NCAPD2: variants seen among roughly 807,000 people sequenced by gnomAD.
The protein encoded by NCAPD2 is condensin complex subunit 1.
In NCAPD2, 100 loss-of-function variants were observed where a neutral mutation model predicts 164.5. The observed-to-expected ratio is 0.61, with a 90% CI of 0.52 to 0.72. The LOEUF (loss-of-function observed/expected upper bound fraction) is 0.72, where lower values mean the gene tolerates loss of function less well. Ranked by LOEUF, NCAPD2 falls within the 30% of genes least tolerant of loss-of-function variation. The pLI is 0.00. For missense variants in NCAPD2, 1,560 were observed against 1,749.2 expected, an observed-to-expected ratio of 0.89 and a Z score of 1.93; for synonymous variants, 585 against 642.6, an observed-to-expected ratio of 0.91 and a Z score of 1.36.
intron 27 of NCAPD2, chr12:6,529,273 C>T (rs144622101): frequency 1.3e-5 from 8 of 613,254 alleles, no homozygotes; most frequent in South Asian, 7.9e-5. Context: ...CATACAGTAG[C>T]ACTCACTCCC....
chr12:6,514,913 A>T lies in NCAPD2; in HGVS notation c.980A>T (p.Asp327Val). 2 of 1,614,178 alleles carry T rather than the reference A, an allele frequency of 1.2e-6. No homozygotes were observed. Among genetic ancestry groups the T allele is most frequent in the Non-Finnish European group, 1.7e-6 (2 of 1,180,016 alleles). ...ATGTGCATTTTGCTAGATCACCTGG[A>T]TGGAGAAGTAGGTGGTCCACTAGGG... ...SSMCILLDHL[D>V]GENYMMRNAV... The change falls in exon 9 of 32, where the codon GAT becomes GTT. Residue 327 changes from aspartate to valine, a missense_variant. Physicochemically the swap from Asp to Val is radical, Grantham distance 152. Coordinates refer to ENST00000315579, the MANE Select transcript of NCAPD2 (RefSeq NM_014865.4).
chr12:6,508,089 G>A lies in NCAPD2; in HGVS notation c.128-1628G>A, dbSNP rs536892191. Among the ~76,000 whole-genome samples the A allele has an allele frequency of 7.2e-5, 11 of 152,274 alleles. No homozygotes were observed. In the East Asian group the frequency reaches 2.1e-3, roughly 29 times the overall value. On this transcript the variant is annotated intron_variant, in intron 2 of 31. Transcript: ENST00000315579. ...CTCACGCCTGTAATCCCAGAACTTT[G>A]GGAGGCCGAGGCAGGTGGATCATGA...
intron 29 of NCAPD2, 131 bp downstream of exon 29, chr12:6,530,089 T>G: frequency 1.1e-6 from 1 of 928,270 alleles, no homozygotes; most frequent in Non-Finnish European, 1.6e-6. Context: ...TGCAACCAAA[T>G]TGCCAGAGTG....
chr12:6,526,286 G>A lies in NCAPD2; in HGVS notation c.2482-1G>A. ...CACCCACGTTGTCTTGCTCTCCACA[G>A]CCTTCTCTGGGCAAACGTCACCCCC... On this transcript the variant is annotated splice_acceptor_variant, in intron 19 of 31. Transcript: ENST00000315579. LOFTEE classifies it high-confidence loss of function. 6.2e-7 allele frequency: 1 copy of A among 1,614,170 alleles called. No homozygotes were observed. Among genetic ancestry groups the A allele is most frequent in the Non-Finnish European group, 8.5e-7 (1 of 1,180,040 alleles).
chr12:6,525,916 A>G, intron 18 of NCAPD2, 152 bp from the exon 19 acceptor site: 3 of 1,211,580 alleles, frequency 2.5e-6, no homozygotes, highest in Non-Finnish European at 3.4e-6. Flanking sequence ...AAGCAACAGG[A>G]CCCAAGAGGC....
rs993006096 is a variant in NCAPD2, at chr12:6,511,326, T to A, written c.587+74T>A. The A allele has an allele frequency of 4.6e-6, 7 of 1,536,148 alleles. No individual in the cohort carries two copies. The African/African-American group carries it at 9.8e-5, about 21-fold the overall frequency. ...CTCTGTTGATAGATATGCCGTTTTT[T>A]TGGTTTTGTTTTTTTTTTGTGGGGG... On this transcript the variant is annotated intron_variant, in intron 6 of 31. Coordinates refer to ENST00000315579, the MANE Select transcript of NCAPD2 (RefSeq NM_014865.4).
intron 6 of NCAPD2, among the ~76,000 whole-genome samples, chr12:6,512,294 G>T (rs992522767): frequency 3.2e-5 from 4 of 124,012 alleles, no homozygotes; most frequent in Non-Finnish European, 6.8e-5. Flanking sequence ...AAAAAAAAAA[G>T]ATAGATAGAT....
At chr12:6,527,732 A>G in intron 22 of NCAPD2, 45 bp from the exon 23 acceptor site, 1 of 1,552,376 alleles carries the variant, frequency 6.4e-7, no homozygotes. Flanking sequence ...GGAATCAAAA[A>G]TGTTGTCTCT....
In NCAPD2 at chr12:6,503,904, G is replaced by C. The variant is rs186824311; in HGVS notation, c.128-5813G>C. ...TGAGGCACTGAATTGCTTGAACCCA[G>C]GAGGCAGAGGTTGCAGTGAGCTAAC... On this transcript the variant is annotated intron_variant, in intron 2 of 31. Transcript: ENST00000315579. 2.8e-3 allele frequency among the ~76,000 whole-genome samples: 432 copies of C among 152,002 alleles called. 4 individuals carry two copies. Among genetic ancestry groups the C allele is most frequent in the African/African-American group, 0.01 (417 of 41,446 alleles).
At chr12:6,499,762 T>C (rs1946018040) in intron 2 of NCAPD2, among the ~76,000 whole-genome samples, 1 of 152,114 alleles carries the variant, frequency 6.6e-6, no homozygotes, top group East Asian at 1.9e-4. Context: ...CCCCAGAAAG[T>C]GAGAACACAG....
Position 6,530,000 on chromosome 12 carries a change from C to T in NCAPD2, c.3837+42C>T, listed in dbSNP as rs377672653. ...ACTTCAATGCCTGTTGGGTTCTGGG[C>T]TGGCTAAGACATCTGCCGGCCCTGG... On this transcript the variant is annotated intron_variant, in intron 29 of 31. Transcript: ENST00000315579. The T allele has an allele frequency of 1.1e-5, 18 of 1,575,176 alleles. No individual in the cohort carries two copies. In the African/African-American group the frequency reaches 1.9e-4, roughly 17 times the overall value.
rs772587843 is a variant in NCAPD2, at chr12:6,510,755, C to T, written c.389C>T (p.Ser130Phe). Reference protein sequence around the residue: ...NCYALIRLLESFETMASQTNL... With the variant: ...NCYALIRLLEFFETMASQTNL... Reference sequence around the variant, plus strand: ...TATGCTCTGATACGTCTCCTGGAATCCTTTGAGACCATGGCCAGCCAGACA... The same window carrying T: ...TATGCTCTGATACGTCTCCTGGAATTCTTTGAGACCATGGCCAGCCAGACA... The change falls in exon 5 of 32, where the codon TCC (serine) becomes TTC (phenylalanine). Residue 130 changes from serine (S) to phenylalanine (F), a missense_variant. Coordinates refer to ENST00000315579, the MANE Select transcript of NCAPD2 (RefSeq NM_014865.4). 2 of 1,614,150 alleles carry T rather than the reference C, an allele frequency of 1.2e-6. No individual in the cohort carries two copies. The highest frequency in any genetic ancestry group is 1.7e-6 in the Non-Finnish European group (2 of 1,180,032).
intron 6 of NCAPD2, among the ~76,000 whole-genome samples, chr12:6,512,229 G>A (rs763466380): frequency 6.3e-5 from 9 of 143,420 alleles, no homozygotes; most frequent in Non-Finnish European, 1.3e-4. Flanking sequence ...CTGAGATCGC[G>A]CCACTGCACT....
intron 9 of NCAPD2, among the ~76,000 whole-genome samples, chr12:6,516,151 G>A (rs1316720152): frequency 3.3e-5 from 5 of 150,710 alleles, no homozygotes; most frequent in East Asian, 1.9e-4. Context: ...AGCCGAGATC[G>A]CACCACTGCA....
intron 13 of NCAPD2, among the ~76,000 whole-genome samples, chr12:6,520,460 C>T (rs1275298465): frequency 6.7e-6 from 1 of 148,412 alleles, no homozygotes; most frequent in African/African-American, 2.6e-5. Context: ...AGGCATACAC[C>T]ATCACACCCA....
rs568667543 is a variant in NCAPD2 at position 6,512,431 on chromosome 12, GC to G, written c.587+1180del. 1.8e-4 allele frequency among the ~76,000 whole-genome samples: 27 copies of G among 152,316 alleles called. 1 individual carries two copies. Among genetic ancestry groups the G allele is most frequent in the Admixed American group, 9.8e-4 (15 of 15,286 alleles). On this transcript the variant is annotated intron_variant, in intron 6 of 31. Coordinates refer to ENST00000315579, the MANE Select transcript of NCAPD2 (RefSeq NM_014865.4). ...GAGAATATGTGGAGGAATAGCAAGG[GC>G]AGGGAAAAGGAATAGCATATGCAAA... is the stretch of plus-strand genomic sequence containing the variant.
chr12:6,510,620 C>G lies in NCAPD2; in HGVS notation c.263-9C>G, dbSNP rs772499656. 13 of 1,613,800 alleles carry G rather than the reference C, an allele frequency of 8.1e-6. No homozygotes were observed. The Admixed American group carries it at 2.2e-4, about 27-fold the overall frequency. On this transcript the variant is annotated splice_polypyrimidine_tract_variant and intron_variant, in intron 4 of 31. Transcript: ENST00000315579. The stretch of plus-strand genomic sequence containing the variant: ...AGTGAAACTGACTCCAAGATTCTGC[C>G]CCTCACAGTGGTATCCCGCCACTCC...
At chr12:6,504,220 T>TATATATACAC (rs1565539620) in intron 2 of NCAPD2, among the ~76,000 whole-genome samples, 19 of 25,342 alleles carry the variant, frequency 7.5e-4, no homozygotes, top group Middle Eastern at 0.018. Context: ...TATATATAGA[T>TATATATACAC]ATAGATATAT....
chr12:6,526,014 C>A, intron 18 of NCAPD2, 54 bp from the exon 19 acceptor site: 3 of 1,596,638 alleles, frequency 1.9e-6, no homozygotes. Context: ...GCCCTTTCTC[C>A]CCCGATGAGT....
Sources: allele counts gnomAD v4.1 joint callset (sites outside exome capture counted in the v4.1 genomes callset), GRCh38; gene constraint gnomAD v4.1.1; transcripts MANE v1.5; gene names NCBI Gene and HGNC (gene_info 2026-07-23, HGNC 2026-07-21).